PAK3: variants seen among roughly 807,000 people sequenced by gnomAD.
PAK3 encodes the protein p21 (RAC1) activated kinase 3, also known as serine/threonine-protein kinase PAK 3.
In PAK3, 4 loss-of-function variants were observed where a neutral mutation model predicts 41.0. The observed-to-expected ratio is 0.10, with a 90% CI of 0.05 to 0.22. PAK3 has a LOEUF of 0.22. Among genes scored for constraint, PAK3 ranks in the 10% least tolerant of loss-of-function variants. The pLI is 1.00. For missense variants in PAK3, 205 were observed against 409.9 expected, an observed-to-expected ratio of 0.50 and a Z score of 4.32; for synonymous variants, 146 against 139.6, an observed-to-expected ratio of 1.05 and a Z score of -0.32.
rs894192708 is a variant in PAK3 at position 111,152,429 on chromosome X, C to T, written c.450C>T (p.Tyr150=). ...TTGCAGATAAAAGTGCACATGGATA[C>T]ATAGCAGCCCATCCTTCGGTAAGTG... ...FTSGDKSAHG[Y]IAAHPSSTKT... is the part of the protein sequence containing the mutation. Residue 150 remains tyrosine (Y), a synonymous_variant, in exon 8 of 18, where the codon TAC becomes TAT. Coordinates refer to ENST00000372007, the MANE Select transcript of PAK3 (RefSeq NM_002578.5). 1.7e-6 allele frequency: 2 copies of T among 1,172,861 alleles called. No individual in the cohort carries two copies. Among genetic ancestry groups the T allele is most frequent in the Non-Finnish European group, 2.3e-6 (2 of 860,635 alleles).
Position 111,227,100 on chromosome X carries a change from G to A in PAK3, c.*6653G>A, listed in dbSNP as rs2094956950. The A allele has an allele frequency of 8.9e-6, 1 of 112,058 alleles. No homozygotes were observed. Among genetic ancestry groups the A allele is most frequent in the Non-Finnish European group, 1.9e-5 (1 of 53,208 alleles). The allele number at this position is 112,058 out of a possible 1,213,427, so 9.2% of individuals were successfully genotyped here. On this transcript the variant is annotated 3_prime_UTR_variant, in exon 18 of 18. Transcript: ENST00000372007. ...AATTCTTCTGTAACTTTGGATTAAA[G>A]GTATTTATGGTCTTTTTGTTTGTTT...
intron 4 of PAK3, among the ~76,000 whole-genome samples, chrX:111,112,127 C>A (rs1041213670): frequency 9.0e-6 from 1 of 111,677 alleles, no homozygotes; most frequent in Non-Finnish European, 1.9e-5. Flanking sequence ...CAAAGTTAAT[C>A]ATGCTATCTC....
intron 1 of PAK3, among the ~76,000 whole-genome samples, chrX:110,997,859 G>A (rs746709825): frequency 5.4e-5 from 6 of 110,972 alleles, no homozygotes; most frequent in Non-Finnish European, 1.1e-4. Context: ...AAAGAGACCT[G>A]AGAGTGACCA....
intron 1 of PAK3, among the ~76,000 whole-genome samples, chrX:111,031,108 CAT>C (rs999601120): frequency 6.2e-5 from 7 of 112,318 alleles, no homozygotes; most frequent in African/African-American, 2.3e-4. Flanking sequence ...ATATGCAAAA[CAT>C]ATAAATTGAT....
chrX:111,069,258 G>T (rs2092724173), intron 1 of PAK3, among the ~76,000 whole-genome samples: 1 of 111,647 alleles, frequency 9.0e-6, no homozygotes, highest in African/African-American at 3.3e-5. Flanking sequence ...TAATCCTACT[G>T]GTTTGTAGCT....
At chrX:111,030,929 T>C (rs1162516543) in intron 1 of PAK3, among the ~76,000 whole-genome samples, 2 of 111,631 alleles carry the variant, frequency 1.8e-5, no homozygotes, top group East Asian at 5.6e-4. Context: ...TGTAGTCAGC[T>C]GTACTAGTAA....
chrX:110,968,401 G>A (rs1482057315), intron 1 of PAK3, among the ~76,000 whole-genome samples: 1 of 112,548 alleles, frequency 8.9e-6, no homozygotes, highest in Non-Finnish European at 1.9e-5. Context: ...TAAGAAACTG[G>A]TGAACTGTTT....
At chrX:111,111,683 G>A (rs139588751) in intron 4 of PAK3, among the ~76,000 whole-genome samples, 1,736 of 111,607 alleles carry the variant, frequency 0.016, 25 homozygotes, top group African/African-American at 0.052. Flanking sequence ...TAAGCTATTC[G>A]GTTATTTTCA....
intron 1 of PAK3, among the ~76,000 whole-genome samples, chrX:110,997,484 ATG>A (rs1450748841): frequency 9.0e-6 from 1 of 111,192 alleles, no homozygotes; most frequent in Non-Finnish European, 1.9e-5. Flanking sequence ...CACAAACTGT[ATG>A]TGTTTTGAGA....
At chrX:111,174,323 A>C (rs1487466920) in intron 11 of PAK3, among the ~76,000 whole-genome samples, 1 of 111,086 alleles carries the variant, frequency 9.0e-6, no homozygotes, top group East Asian at 2.8e-4. Flanking sequence ...AAGGAGAGGC[A>C]CTCATGGAAA....
At chrX:111,149,620 T>C (rs1227234313) in intron 7 of PAK3, among the ~76,000 whole-genome samples, 2 of 112,545 alleles carry the variant, frequency 1.8e-5, no homozygotes, top group Non-Finnish European at 3.8e-5. Context: ...GCTTGGGGAT[T>C]CCACCCTCTG....
intron 1 of PAK3, among the ~76,000 whole-genome samples, chrX:111,078,632 A>G (rs1415537491): frequency 2.7e-5 from 3 of 110,882 alleles, no homozygotes; most frequent in African/African-American, 6.6e-5. Context: ...AATTAGGCCA[A>G]TTAATAACCC....
intron 1 of PAK3, among the ~76,000 whole-genome samples, chrX:111,024,673 T>C (rs1299547039): frequency 9.0e-6 from 1 of 111,096 alleles, no homozygotes; most frequent in South Asian, 3.8e-4. Flanking sequence ...ACTTAAAAAT[T>C]AGATAGACAG....
At chrX:111,100,742 A>G (rs1453658599) in intron 3 of PAK3, among the ~76,000 whole-genome samples, 1 of 111,808 alleles carries the variant, frequency 8.9e-6, no homozygotes, top group Non-Finnish European at 1.9e-5. Flanking sequence ...CCCACCGCCA[A>G]GGTGGCAGCC....
At chrX:111,178,745 G>C (rs952030429) in intron 11 of PAK3, among the ~76,000 whole-genome samples, 1 of 109,860 alleles carries the variant, frequency 9.1e-6, no homozygotes, top group Admixed American at 9.8e-5. Flanking sequence ...TCTTAGAAGA[G>C]GGTACACTTG....
At chrX:111,024,037 T>G (rs1451661625) in intron 1 of PAK3, among the ~76,000 whole-genome samples, 3 of 112,294 alleles carry the variant, frequency 2.7e-5, no homozygotes, top group Non-Finnish European at 5.6e-5. Flanking sequence ...GTCTTACATT[T>G]AAGTCTTTAA....
In PAK3 at chrX:111,224,020, C is replaced by A. The variant is rs867078306; in HGVS notation, c.*3573C>A. On this transcript the variant is annotated 3_prime_UTR_variant, in exon 18 of 18. Coordinates refer to ENST00000372007, the MANE Select transcript of PAK3 (RefSeq NM_002578.5). ...AACAGCAGAAAGGGAACTATAGACA[C>A]ATAGAAAAGATGCCAGAAGCAGATG... 2 of 111,663 alleles carry A rather than the reference C, an allele frequency of 1.8e-5. 1 individual carries two copies. The highest frequency in any genetic ancestry group is 7.6e-4 in the South Asian group (2 of 2,636). 9.2% of individuals were successfully genotyped at this position (111,663 alleles called of 1,213,427 possible).
chrX:111,126,711 A>G (rs1479372064), intron 5 of PAK3, among the ~76,000 whole-genome samples: 2 of 111,902 alleles, frequency 1.8e-5, no homozygotes, highest in African/African-American at 6.5e-5. Context: ...AAAACTAGGA[A>G]GTGCTGAATA....
intron 16 of PAK3, among the ~76,000 whole-genome samples, chrX:111,196,854 CTTTTTTTTTT>C (rs375476309): frequency 1.3e-5 from 1 of 79,238 alleles, no homozygotes; most frequent in Non-Finnish European, 2.5e-5. Context: ...TTCTTTCTTT[CTTTTTTTTTT>C]TTTTTTTTGG....
Sources: gnomAD v4.1 joint callset for allele counts (sites outside exome capture counted in the v4.1 genomes callset) on GRCh38, gnomAD v4.1.1 for gene constraint, MANE v1.5 for transcripts, NCBI Gene and HGNC (gene_info 2026-07-23, HGNC 2026-07-21) for gene names.